The following SLC15A3 variants were observed in gnomAD, a reference collection of about 807,000 sequenced individuals.
SLC15A3 encodes the protein osteoclast transporter.
In SLC15A3, 39 loss-of-function variants were observed where a neutral mutation model predicts 49.2. The ratio of observed to expected loss-of-function variants is 0.79; its 90% CI spans 0.61 to 1.04. The LOEUF (loss-of-function observed/expected upper bound fraction) is 1.04, where lower values mean the gene tolerates loss of function less well. Among genes scored for constraint, SLC15A3 ranks in the 50% least tolerant of loss-of-function variants. The pLI, the probability that SLC15A3 is intolerant of heterozygous loss-of-function variation, is 0.00. For missense variants in SLC15A3, 758 were observed against 794.8 expected (o/e 0.95, Z 0.56); for synonymous variants, 339 against 367.0 (o/e 0.92, Z 0.87).
chr11:60,951,113 C>G lies in SLC15A3; in HGVS notation c.439G>C (p.Gly147Arg). The G allele has an allele frequency of 6.8e-7, 1 of 1,475,468 alleles. No homozygotes were observed. The highest frequency in any genetic ancestry group is 8.9e-7 in the Non-Finnish European group (1 of 1,123,072). The allele number at this position is 1,475,468 out of a possible 1,614,324, so 91.4% of individuals were successfully genotyped here. A position where few individuals can be genotyped will look rare whatever the true frequency, so the allele number is the denominator to read the frequency against. ...GGGCTGGGCGAGGAGCGCGGGCAGC[C>G]GGCCGAGGGGCAGGCAGGTCCCAGC... ...SPLGPACPSA[G>R]CPRSSPSPYC... The change falls in exon 1 of 8, where the codon GGC becomes CGC. Residue 147 changes from glycine to arginine, a missense_variant. By Grantham distance (125) the Gly-to-Arg change is moderately radical (BLOSUM62 -2). Around this residue, in one of 3 missense-constraint regions of SLC15A3, gnomAD observed 699 missense variants for 706.7 expected, o/e 0.99. Transcript: ENST00000227880.
chr11:60,951,605 T>G lies in SLC15A3; in HGVS notation c.-54A>C. The G allele has an allele frequency of 1.0e-6, 1 of 1,000,176 alleles. No individual in the cohort carries two copies. 62.0% of individuals were successfully genotyped at this position (1,000,176 alleles called of 1,614,324 possible). A position where few individuals can be genotyped will look rare whatever the true frequency, so the allele number is the denominator to read the frequency against. On this transcript the variant is annotated 5_prime_UTR_variant, in exon 1 of 8. Coordinates refer to ENST00000227880, the MANE Select transcript of SLC15A3 (RefSeq NM_016582.3). ...TCTTCTCTCCTCTCCTCTCCCCGCCTCAGAGCCCTGCACTCCTGCCCCCGG... is the reference window on the plus strand; with the variant it reads ...TCTTCTCTCCTCTCCTCTCCCCGCCGCAGAGCCCTGCACTCCTGCCCCCGG...
At position 60,946,786 on chromosome 11, in the gene SLC15A3, GA is replaced by G. The variant is rs767214475; in HGVS notation, c.593del (p.Phe198SerfsTer117). 3.1e-6 allele frequency: 5 copies of G among 1,613,512 alleles called. No individual in the cohort carries two copies. The highest frequency in any genetic ancestry group is 3.4e-6 in the Non-Finnish European group (4 of 1,179,782). Reference protein sequence around the residue: ...MDLGRDATRRFFNWFYWSINL... With the variant: ...MDLGRDATRRXFNWFYWSINL... ...TGATGCTCCAGTAAAACCAGTTGAAGAAGCGGCGGGTGGCGTCGCGGCCGAG... is the reference window on the plus strand; with the variant it reads ...TGATGCTCCAGTAAAACCAGTTGAAGAGCGGCGGGTGGCGTCGCGGCCGAG... On this transcript the variant is annotated frameshift_variant, in exon 2 of 8. Transcript: ENST00000227880. LOFTEE classifies it high-confidence loss of function.
intron 1 of SLC15A3, 78 bp downstream of exon 1, chr11:60,950,915 TC>T: frequency 7.5e-7 from 1 of 1,333,492 alleles, no homozygotes; most frequent in Non-Finnish European, 9.7e-7. Context: ...ACCTGGTTTG[TC>T]CCAGGTCACG....
At position 60,946,788 on chromosome 11, in the gene SLC15A3, A is replaced by C. The variant is rs1856810240; in HGVS notation, c.592T>G (p.Phe198Val). ...MDLGRDATRR[F>V]FNWFYWSINL... is the part of the protein sequence containing the mutation. ...ATGCTCCAGTAAAACCAGTTGAAGA[A>C]GCGGCGGGTGGCGTCGCGGCCGAGA... The change falls in exon 2 of 8, where the codon TTC becomes GTC. Residue 198 changes from phenylalanine to valine, a missense_variant. By Grantham distance (50) the Phe-to-Val change is conservative. This residue lies in a region of SLC15A3 where 699 missense variants were observed against 706.7 expected (regional missense o/e 0.99). Transcript: ENST00000227880. 8 of 1,613,200 alleles carry C rather than the reference A, an allele frequency of 5.0e-6. No homozygotes were observed. Among genetic ancestry groups the C allele is most frequent in the Non-Finnish European group, 6.8e-6 (8 of 1,179,644 alleles).
At chr11:60,939,781 G>C in intron 5 of SLC15A3, 143 bp from the exon 6 acceptor site, 1 of 957,746 alleles carries the variant, frequency 1.0e-6, no homozygotes, top group Non-Finnish European at 1.5e-6. Context: ...GCTGGACTGG[G>C]GGGTGGAGGA....
At chr11:60,941,540 A>T (rs1479630981) in intron 4 of SLC15A3, 2 of 443,884 alleles carry the variant, frequency 4.5e-6, no homozygotes, top group Non-Finnish European at 7.9e-6. Context: ...GGCTCAGCAT[A>T]AAAAAAGTCA....
intron 3 of SLC15A3, chr11:60,942,389 C>T: frequency 4.6e-6 from 2 of 439,128 alleles, no homozygotes; most frequent in South Asian, 5.1e-5. Context: ...AGCCCAGGCA[C>T]AGCTGGTCTG....
At chr11:60,938,085 G>A in intron 6 of SLC15A3, 60 bp from the exon 7 acceptor site, 1 of 1,559,102 alleles carries the variant, frequency 6.4e-7, no homozygotes, top group Non-Finnish European at 8.7e-7. Context: ...AACAGGCCCA[G>A]GCCCCTGCTT....
At chr11:60,950,813 AC>A (rs1856902595) in intron 1 of SLC15A3, among the ~76,000 whole-genome samples, 180 bp downstream of exon 1, 1 of 152,226 alleles carries the variant, frequency 6.6e-6, no homozygotes, top group Non-Finnish European at 1.5e-5. Context: ...AAACAAAAAA[AC>A]AACCATGGTT....
At position 60,943,944 on chromosome 11, in the gene SLC15A3, G is replaced by A. The variant is rs180838079; in HGVS notation, c.849-108C>T. 4.1e-5 allele frequency: 46 copies of A among 1,132,338 alleles called. No individual in the cohort carries two copies. In the East Asian group the frequency reaches 6.9e-4, roughly 17 times the overall value. The allele number at this position is 1,132,338 out of a possible 1,614,324, so 70.1% of individuals were successfully genotyped here. A position where few individuals can be genotyped will look rare whatever the true frequency, so the allele number is the denominator to read the frequency against. On this transcript the variant is annotated intron_variant, in intron 2 of 7. Transcript: ENST00000227880. The stretch of plus-strand genomic sequence containing the variant: ...AGGCTGAGGCGGGTGGATCACCTGA[G>A]GTCAGGAGTTCAAGACCAGCCTGGC...
chr11:60,951,121 G>A lies in SLC15A3; in HGVS notation c.431C>T (p.Pro144Leu). ...CGAGGAGCGCGGGCAGCCGGCCGAGGGGCAGGCAGGTCCCAGCGGCGACGC... is the reference window on the plus strand; with the variant it reads ...CGAGGAGCGCGGGCAGCCGGCCGAGAGGCAGGCAGGTCCCAGCGGCGACGC... ...MPASPLGPAC[P>L]SAGCPRSSPS... The change falls in exon 1 of 8, where the codon CCC (proline) becomes CTC (leucine). Residue 144 changes from proline (P) to leucine (L), a missense_variant. Transcript: ENST00000227880. The A allele has an allele frequency of 6.7e-7, 1 of 1,483,652 alleles. No homozygotes were observed. 91.9% of individuals were successfully genotyped at this position (1,483,652 alleles called of 1,614,324 possible).
chr11:60,945,359 C>T (rs2134934173), intron 2 of SLC15A3, among the ~76,000 whole-genome samples: 1 of 152,310 alleles, frequency 6.6e-6, no homozygotes, highest in East Asian at 1.9e-4. Flanking sequence ...CTTTCCAGGT[C>T]CCAAATGACT....
intron 1 of SLC15A3, among the ~76,000 whole-genome samples, chr11:60,950,685 G>GT (rs1337912462): frequency 6.6e-6 from 1 of 152,186 alleles, no homozygotes; most frequent in African/African-American, 2.4e-5. Flanking sequence ...CAGCTACTCT[G>GT]GAGGCTAAGG....
intron 4 of SLC15A3, 144 bp from the exon 5 acceptor site, chr11:60,941,434 G>T: frequency 1.3e-6 from 1 of 770,308 alleles, no homozygotes; most frequent in Non-Finnish European, 2.0e-6. Flanking sequence ...CCTCAGCTGT[G>T]TAACCAGGGA....
chr11:60,939,447 T>A (rs1249835368), intron 6 of SLC15A3, 33 bp downstream of exon 6: 1 of 1,610,482 alleles, frequency 6.2e-7, no homozygotes, highest in African/African-American at 1.3e-5. Flanking sequence ...AGCCCATCAC[T>A]GGTGCAGGAG....
Position 60,943,774 on chromosome 11 carries a change from T to C in SLC15A3, c.911A>G (p.Gln304Arg). 3.7e-6 allele frequency: 6 copies of C among 1,604,660 alleles called. No individual in the cohort carries two copies. Among genetic ancestry groups the C allele is most frequent in the Non-Finnish European group, 5.1e-6 (6 of 1,175,242 alleles). The change falls in exon 3 of 8, where the codon CAA (glutamine) becomes CGA (arginine). Residue 304 changes from glutamine to arginine, a missense_variant. Coordinates refer to ENST00000227880, the MANE Select transcript of SLC15A3 (RefSeq NM_016582.3). ...ERSPQPGASP[Q>R]EDIANFQVLV... is the part of the protein sequence containing the mutation. The stretch of plus-strand genomic sequence containing the variant: ...CACCTGGAAGTTGGCGATGTCCTCT[T>C]GCGGGGAAGCCCCTGGCTGGGGAGA...
rs763741263 is a variant in SLC15A3 at position 60,937,858 on chromosome 11, C to CT, written c.1591+11_1591+12insA. 2 of 1,613,264 alleles carry CT rather than the reference C, an allele frequency of 1.2e-6. No homozygotes were observed. Among genetic ancestry groups the CT allele is most frequent in the Non-Finnish European group, 1.7e-6 (2 of 1,179,514 alleles). On this transcript the variant is annotated intron_variant, in intron 7 of 7. Coordinates refer to ENST00000227880, the MANE Select transcript of SLC15A3 (RefSeq NM_016582.3). ...CATCCATGTCCCACTCCTGGGGAGG[C>CT]CCCATACTCACCAAAGTCCTTGGGG...
chr11:60,939,346 G>T, intron 6 of SLC15A3, 134 bp downstream of exon 6: 1 of 1,067,788 alleles, frequency 9.4e-7, no homozygotes, highest in Non-Finnish European at 1.4e-6. Context: ...GGGTGAATGA[G>T]CCCTGGTCAG....
intron 1 of SLC15A3, among the ~76,000 whole-genome samples, chr11:60,949,380 AAGAG>A (rs1224268600): frequency 1.3e-4 from 20 of 148,734 alleles, no homozygotes; most frequent in East Asian, 4.0e-4. Flanking sequence ...AAGAGAAAGA[AAGAG>A]AGAGAGAGAA....
Sources: allele counts gnomAD v4.1 joint callset (sites outside exome capture counted in the v4.1 genomes callset), GRCh38; gene constraint gnomAD v4.1.1; regional missense constraint gnomAD v4.1.1; transcripts MANE v1.5; gene names NCBI Gene and HGNC (gene_info 2026-07-23, HGNC 2026-07-21).